CNOT9: variants seen among roughly 807,000 people sequenced by gnomAD.
CNOT9 encodes RCD1 required for cell differentiation1 homolog.
In CNOT9, 8 loss-of-function variants were observed where a neutral mutation model predicts 37.4. That is an observed-to-expected ratio of 0.21 (90% CI 0.13 to 0.39). The LOEUF (loss-of-function observed/expected upper bound fraction) is 0.39, where lower values mean the gene tolerates loss of function less well. Ranked by LOEUF, CNOT9 falls within the 10% of genes least tolerant of loss-of-function variation. CNOT9 has a pLI of 1.00. For synonymous variants in CNOT9, 120 were observed against 137.6 expected, an observed-to-expected ratio of 0.87 and a Z score of 0.90; for missense variants, 154 against 365.3, an observed-to-expected ratio of 0.42 and a Z score of 4.71.
rs1694802269 is a variant in CNOT9 at position 218,592,170 on chromosome 2, A to C, written c.541-134A>C. 1.5e-6 allele frequency: 1 copy of C among 652,336 alleles called. No homozygotes were observed. Among genetic ancestry groups the C allele is most frequent in the Non-Finnish European group, 2.7e-6 (1 of 365,866 alleles). The allele number at this position is 652,336 out of a possible 1,614,324, so 40.4% of individuals were successfully genotyped here. Reference sequence around the variant, plus strand: ...TTCTTTGTACTATACATATATGATAAAGTTGTACATAATATACAAGGATCC... The same window carrying C: ...TTCTTTGTACTATACATATATGATACAGTTGTACATAATATACAAGGATCC... On this transcript the variant is annotated intron_variant, in intron 5 of 7. Coordinates refer to ENST00000273064, the MANE Select transcript of CNOT9 (RefSeq NM_005444.3). This position sits in a 1 kb window ranked among gnomAD's most constrained non-coding sequence, Gnocchi z 4.1.
chr2:218,568,994 C>T lies in CNOT9; in HGVS notation c.24+16C>T, dbSNP rs189599795. ...GACGGCTGCGGTGAGTGGCTGGGCC[C>T]CCAGGCTTGGAACCAGAATCCTTTC... On this transcript the variant is annotated intron_variant, in intron 1 of 7. Transcript: ENST00000273064. 1,058 of 1,611,346 alleles carry T rather than the reference C, an allele frequency of 6.6e-4. 6 individuals are homozygous for T. In the Middle Eastern group the frequency reaches 0.01, roughly 16 times the overall value.
chr2:218,578,065 T>C (rs1694232542), intron 1 of CNOT9, among the ~76,000 whole-genome samples: 1 of 152,210 alleles, frequency 6.6e-6, no homozygotes. Flanking sequence ...TGTGGCTGCC[T>C]AGAAAGGGCA....
rs1044305181 is a variant in CNOT9, at chr2:218,584,460, G to T, written c.321-152G>T. The T allele has an allele frequency of 8.7e-5, 59 of 676,698 alleles. 1 individual carries two copies. Among genetic ancestry groups the T allele is most frequent in the Middle Eastern group, 5.0e-4 (2 of 3,994 alleles). 41.9% of individuals were successfully genotyped at this position (676,698 alleles called of 1,614,324 possible). A position where few individuals can be genotyped will look rare whatever the true frequency, so the allele number is the denominator to read the frequency against. On this transcript the variant is annotated intron_variant, in intron 3 of 7. Coordinates refer to ENST00000273064, the MANE Select transcript of CNOT9 (RefSeq NM_005444.3). ...AATTTACCCCATTTGAGAACCATTG[G>T]TTGAGACTAATGACCAGTAACATTG...
intron 1 of CNOT9, among the ~76,000 whole-genome samples, chr2:218,580,166 G>A (rs774045795): frequency 1.8e-4 from 28 of 151,626 alleles, no homozygotes; most frequent in Admixed American, 1.8e-3. Context: ...ACGGGGTTTC[G>A]CCATGTTGGC....
At chr2:218,583,362 T>G (rs1694482407) in intron 3 of CNOT9, among the ~76,000 whole-genome samples, 1 of 151,944 alleles carries the variant, frequency 6.6e-6, no homozygotes, top group African/African-American at 2.4e-5. Flanking sequence ...AGGAAAGGTA[T>G]CAGGCATACA....
chr2:218,587,897 A>G (rs1039095027), intron 5 of CNOT9, among the ~76,000 whole-genome samples: 1 of 152,240 alleles, frequency 6.6e-6, no homozygotes, highest in African/African-American at 2.4e-5. Flanking sequence ...CTTTTCTCCA[A>G]ACCCACATCT....
At chr2:218,575,944 C>T (rs1367126205) in intron 1 of CNOT9, among the ~76,000 whole-genome samples, 1 of 152,138 alleles carries the variant, frequency 6.6e-6, no homozygotes, top group Non-Finnish European at 1.5e-5. Context: ...AACTAGGAAT[C>T]ATTAGAGGTG....
rs1358536228 is a variant in CNOT9 at position 218,596,399 on chromosome 2, G to GA, written c.*2126dup. ...TCCATCCCTCTCCCTTAACAGGATT[G>GA]AAATAAAACATGCTTCTGTTTTTGT... On this transcript the variant is annotated 3_prime_UTR_variant, in exon 8 of 8. Coordinates refer to ENST00000273064, the MANE Select transcript of CNOT9 (RefSeq NM_005444.3). The GA allele has an allele frequency of 6.6e-6, 1 of 152,098 alleles. No individual in the cohort carries two copies. The highest frequency in any genetic ancestry group is 1.5e-5 in the Non-Finnish European group (1 of 68,016). The allele number at this position is 152,098 out of a possible 1,614,324, so 9.4% of individuals were successfully genotyped here.
intron 5 of CNOT9, among the ~76,000 whole-genome samples, chr2:218,591,741 TAA>T (rs766798627): frequency 1.0e-4 from 13 of 129,370 alleles, no homozygotes; most frequent in Admixed American, 8.0e-5. Flanking sequence ...AGACTCCATC[TAA>T]AAAAAAAAAA....
chr2:218,576,687 G>T (rs1472278785), intron 1 of CNOT9, among the ~76,000 whole-genome samples: 1 of 152,114 alleles, frequency 6.6e-6, no homozygotes, highest in Non-Finnish European at 1.5e-5. Context: ...TCATTTTTAG[G>T]CTGAGCACAG....
intron 1 of CNOT9, among the ~76,000 whole-genome samples, chr2:218,578,332 T>TA (rs1430547399): frequency 6.6e-6 from 1 of 152,228 alleles, no homozygotes; most frequent in African/African-American, 2.4e-5. Context: ...GCTAAAAACT[T>TA]ACAATGAAGC....
At chr2:218,580,486 C>T in intron 1 of CNOT9, 75 bp from the exon 2 acceptor site, 1 of 1,278,454 alleles carries the variant, frequency 7.8e-7, no homozygotes, top group South Asian at 1.6e-5. Context: ...TATATTTCCT[C>T]TAAAACTCTG....
intron 5 of CNOT9, chr2:218,589,297 T>C (rs1012069691): frequency 1.3e-5 from 2 of 152,190 alleles, no homozygotes; most frequent in Non-Finnish European, 2.9e-5. Flanking sequence ...CCAATTTTAG[T>C]ACATGTGCTG....
At chr2:218,590,333 A>G (rs1694731635) in intron 5 of CNOT9, among the ~76,000 whole-genome samples, 1 of 152,138 alleles carries the variant, frequency 6.6e-6, no homozygotes, top group South Asian at 2.1e-4. Flanking sequence ...CCTCCCAAAT[A>G]TTCTGTATTT....
At chr2:218,584,264 A>G (rs1052848970) in intron 3 of CNOT9, among the ~76,000 whole-genome samples, 4 of 152,164 alleles carry the variant, frequency 2.6e-5, no homozygotes, top group African/African-American at 7.2e-5. Flanking sequence ...TTGGGGCTGG[A>G]TGAATCTTTG....
At chr2:218,571,880 G>C (rs936049711) in intron 1 of CNOT9, among the ~76,000 whole-genome samples, 1 of 150,612 alleles carries the variant, frequency 6.6e-6, no homozygotes, top group Non-Finnish European at 1.5e-5. Context: ...CACTGCGCCC[G>C]ACCTTGCTGT....
At chr2:218,572,813 C>A in intron 1 of CNOT9, 1 of 416,692 alleles carries the variant, frequency 2.4e-6, no homozygotes, top group Non-Finnish European at 3.2e-6. Context: ...CTCTCACTTT[C>A]CGCCTAACCA....
intron 4 of CNOT9, among the ~76,000 whole-genome samples, chr2:218,586,929 A>G (rs755724616): frequency 3.9e-5 from 6 of 152,202 alleles, no homozygotes; most frequent in Non-Finnish European, 7.3e-5. Flanking sequence ...GAACTAGAAT[A>G]TCCAAACATT....
rs554373474 is a variant in CNOT9 at position 218,584,624 on chromosome 2, C to T, written c.333C>T (p.Leu111=). 2.9e-5 allele frequency: 47 copies of T among 1,612,996 alleles called. No homozygotes were observed. Among genetic ancestry groups the T allele is most frequent in the Non-Finnish European group, 3.6e-5 (42 of 1,178,980 alleles). Residue 111 remains leucine, a synonymous_variant, in exon 4 of 8, where the codon CTC becomes CTT. Coordinates refer to ENST00000273064, the MANE Select transcript of CNOT9 (RefSeq NM_005444.3). The stretch of plus-strand genomic sequence containing the variant: ...TGTTTTCTTCCAGGTCAGCGTTTCT[C>T]GCAGCACACATCCCACTTTTTTTGT... The part of the protein sequence containing the change: ...ASHPETRSAF[L]AAHIPLFLYP...
Sources: gnomAD v4.1 joint callset for allele counts (sites outside exome capture counted in the v4.1 genomes callset) on GRCh38, gnomAD v4.1.1 for gene constraint, Gnocchi (gnomAD v3.1) non-coding constraint, MANE v1.5 for transcripts, NCBI Gene and HGNC (gene_info 2026-07-23, HGNC 2026-07-21) for gene names.